CSNK1A1: variants seen among roughly 807,000 people sequenced by gnomAD.
The protein encoded by CSNK1A1 is casein kinase I isoform alpha.
A neutral mutation model predicts 46.1 loss-of-function variants in CSNK1A1; 7 were observed. The ratio of observed to expected loss-of-function variants is 0.15; its 90% confidence interval spans 0.09 to 0.29. The LOEUF is 0.29. Ranked by LOEUF, CSNK1A1 falls within the 10% of genes least tolerant of loss-of-function variation. The pLI is 1.00. For synonymous variants in CSNK1A1, 137 were observed against 141.5 expected, an observed-to-expected ratio of 0.97 and a Z score of 0.23; for missense variants, 96 against 417.1, an observed-to-expected ratio of 0.23 and a Z score of 6.71.
rs543086891 is a variant in CSNK1A1, at chr5:149,496,961, T to C, written c.1007-101A>G. The C allele has an allele frequency of 3.0e-5, 44 of 1,488,662 alleles. 1 individual carries two copies. The South Asian group carries it at 5.5e-4, about 19-fold the overall frequency. The allele number at this position is 1,488,662 out of a possible 1,614,324, so 92.2% of individuals were successfully genotyped here. On this transcript the variant is annotated intron_variant, in intron 9 of 9. Coordinates refer to ENST00000377843, the MANE Select transcript of CSNK1A1 (RefSeq NM_001892.6). ...TTGGGTGGAACTGAGCCAATAATTA[T>C]AGTGGCTCATGTTATTTCGTCTCTT...
intron 2 of CSNK1A1, among the ~76,000 whole-genome samples, chr5:149,533,847 T>G (rs922870616): frequency 6.6e-6 from 1 of 152,196 alleles, no homozygotes; most frequent in African/African-American, 2.4e-5. Flanking sequence ...ACTTATAGTC[T>G]TCATAACACA....
chr5:149,515,225 G>C (rs982274461), intron 4 of CSNK1A1, among the ~76,000 whole-genome samples: 1 of 152,146 alleles, frequency 6.6e-6, no homozygotes, highest in Non-Finnish European at 1.5e-5. Flanking sequence ...ACATTTTCTA[G>C]GATTGCTTCC....
chr5:149,519,425 GATC>G (rs1200933104), intron 4 of CSNK1A1, among the ~76,000 whole-genome samples: 1 of 152,182 alleles, frequency 6.6e-6, no homozygotes, highest in Non-Finnish European at 1.5e-5. Context: ...CTATCAGATA[GATC>G]ATCAGATCAC....
intron 2 of CSNK1A1, among the ~76,000 whole-genome samples, chr5:149,530,384 T>C (rs1761856689): frequency 6.6e-6 from 1 of 152,186 alleles, no homozygotes. Flanking sequence ...CAAATAATTA[T>C]AAAAGTTAAA....
Position 149,550,722 on chromosome 5 carries a change from T to C in CSNK1A1, c.123+120A>G. On this transcript the variant is annotated intron_variant, in intron 1 of 9. Transcript: ENST00000377843. The surrounding 1 kb of genome is among the most constrained non-coding windows in gnomAD (Gnocchi z 4.3). ...TCGTAAGCCAGGAAAACTAGCTCCCTGGACTCCCTGGCGAGTGCGTGCGAT... is the reference window on the plus strand; with the variant it reads ...TCGTAAGCCAGGAAAACTAGCTCCCCGGACTCCCTGGCGAGTGCGTGCGAT... The C allele has an allele frequency of 3.6e-6, 5 of 1,405,666 alleles. No individual in the cohort carries two copies. The highest frequency in any genetic ancestry group is 4.8e-6 in the Non-Finnish European group (5 of 1,032,252). 87.1% of individuals were successfully genotyped at this position (1,405,666 alleles called of 1,614,324 possible). A position where few individuals can be genotyped will look rare whatever the true frequency, so the allele number is the denominator to read the frequency against.
Position 149,550,347 on chromosome 5 carries a change from A to AG in CSNK1A1, c.124-167dup, listed in dbSNP as rs1275792578. 5 of 1,426,326 alleles carry AG rather than the reference A, an allele frequency of 3.5e-6. No individual in the cohort carries two copies. Among genetic ancestry groups the AG allele is most frequent in the Non-Finnish European group, 4.6e-6 (5 of 1,095,304 alleles). The allele number at this position is 1,426,326 out of a possible 1,614,324, so 88.4% of individuals were successfully genotyped here. A position where few individuals can be genotyped will look rare whatever the true frequency, so the allele number is the denominator to read the frequency against. ...TATAAAACGAGGCAACCAGCCTCAA[A>AG]GGCCTCTTCAGGGGGTAGTGACGAA... On this transcript the variant is annotated intron_variant, in intron 1 of 9. Coordinates refer to ENST00000377843, the MANE Select transcript of CSNK1A1 (RefSeq NM_001892.6). This position sits in a 1 kb window ranked among gnomAD's most constrained non-coding sequence, Gnocchi z 4.3.
chr5:149,520,242 G>T, intron 4 of CSNK1A1, 48 bp downstream of exon 4: 2 of 1,204,714 alleles, frequency 1.7e-6, no homozygotes, highest in South Asian at 1.4e-5. Flanking sequence ...AGCAATTCTT[G>T]TCGAAACTTT....
At chr5:149,542,592 T>TTATA (rs1160379269) in intron 2 of CSNK1A1, among the ~76,000 whole-genome samples, 6 of 26,686 alleles carry the variant, frequency 2.2e-4, no homozygotes, top group African/African-American at 6.3e-4. Flanking sequence ...AGATACAAAT[T>TTATA]TATATATATA....
intron 2 of CSNK1A1, among the ~76,000 whole-genome samples, chr5:149,546,520 C>A (rs1762487854): frequency 6.6e-6 from 1 of 151,896 alleles, no homozygotes; most frequent in South Asian, 2.1e-4. Context: ...GTAGTCCCAG[C>A]TACTCAGGAG....
chr5:149,497,230 GA>G, intron 9 of CSNK1A1: 1 of 1,008,004 alleles, frequency 9.9e-7, no homozygotes, highest in Non-Finnish European at 1.2e-6. Flanking sequence ...TTTAACTAAA[GA>G]ATACAATTTT....
chr5:149,531,410 TG>T (rs1254430722), intron 2 of CSNK1A1, among the ~76,000 whole-genome samples: 5 of 151,312 alleles, frequency 3.3e-5, no homozygotes, highest in African/African-American at 9.7e-5. Context: ...TCCAGCTACT[TG>T]GAAGGCTGAG....
chr5:149,503,278 C>A, intron 9 of CSNK1A1: 13 of 985,302 alleles, frequency 1.3e-5, no homozygotes, highest in Non-Finnish European at 1.6e-5. Flanking sequence ...GCCTAAGGCC[C>A]GAAGGCCAGC....
intron 4 of CSNK1A1, 157 bp from the exon 5 acceptor site, chr5:149,513,366 C>G: frequency 1.5e-6 from 1 of 653,938 alleles, no homozygotes; most frequent in African/African-American, 1.9e-5. Context: ...TAACACCCCC[C>G]CATAAGCTTT....
chr5:149,514,917 C>T (rs1363444095), intron 4 of CSNK1A1, among the ~76,000 whole-genome samples: 1 of 152,134 alleles, frequency 6.6e-6, no homozygotes, highest in Non-Finnish European at 1.5e-5. Context: ...AACTCCCTTC[C>T]TAAGCAATCA....
At chr5:149,529,866 GTTA>G (rs1313553263) in intron 2 of CSNK1A1, 3 of 327,540 alleles carry the variant, frequency 9.2e-6, no homozygotes, top group African/African-American at 6.5e-5. Context: ...ATTAGGAAGT[GTTA>G]TACTATAGCC....
intron 2 of CSNK1A1, among the ~76,000 whole-genome samples, chr5:149,534,787 C>T (rs1465235264): frequency 6.6e-6 from 1 of 150,888 alleles, no homozygotes; most frequent in Non-Finnish European, 1.5e-5. Context: ...AAAAATTAGC[C>T]AGGCGTGGTG....
chr5:149,549,210 T>A (rs1217951288), intron 2 of CSNK1A1: 14 of 423,268 alleles, frequency 3.3e-5, no homozygotes, highest in South Asian at 4.8e-5. Flanking sequence ...AAGATTTTTT[T>A]AAATACAACT....
chr5:149,507,183 GA>G, intron 7 of CSNK1A1, 50 bp from the exon 8 acceptor site: 1 of 1,393,886 alleles, frequency 7.2e-7, no homozygotes, highest in Non-Finnish European at 9.9e-7. Flanking sequence ...TTTCAAGATA[GA>G]AAAATAAATG....
In CSNK1A1 at chr5:149,550,994, A is replaced by T. The variant is rs1762641400; in HGVS notation, c.-30T>A. 6.2e-7 allele frequency: 1 copy of T among 1,613,136 alleles called. No individual in the cohort carries two copies. The highest frequency in any genetic ancestry group is 8.5e-7 in the Non-Finnish European group (1 of 1,179,752). ...AGAGACGAAGATGGAGGCTGGGGCC[A>T]AGCCCCGACACCTCTGGGAAGAGGA... On this transcript the variant is annotated 5_prime_UTR_variant, in exon 1 of 10. Coordinates refer to ENST00000377843, the MANE Select transcript of CSNK1A1 (RefSeq NM_001892.6). This position sits in a 1 kb window ranked among gnomAD's most constrained non-coding sequence, Gnocchi z 4.3.
Sources: allele counts gnomAD v4.1 joint callset (sites outside exome capture counted in the v4.1 genomes callset), GRCh38; gene constraint gnomAD v4.1.1; non-coding constraint Gnocchi (gnomAD v3.1); transcripts MANE v1.5; gene names NCBI Gene and HGNC (gene_info 2026-07-23, HGNC 2026-07-21).